The following KCND2 variants were observed in gnomAD, a reference collection of about 807,000 sequenced individuals.
KCND2 encodes potassium voltage-gated channel subfamily D member 2, also known as A-type voltage-gated potassium channel KCND2.
KCND2 carries 16 observed loss-of-function variants against 54.4 expected under a neutral mutation model. That is an observed-to-expected ratio of 0.29 (90% CI 0.20 to 0.45). The LOEUF (loss-of-function observed/expected upper bound fraction) is 0.45, where lower values mean the gene tolerates loss of function less well. Among genes scored for constraint, KCND2 ranks in the 20% least tolerant of loss-of-function variants. The pLI, the probability that KCND2 is intolerant of heterozygous loss-of-function variation, is 1.00. For synonymous variants in KCND2, 317 were observed against 310.7 expected (o/e 1.02, Z -0.21); for missense variants, 486 against 824.2 (o/e 0.59, Z 5.02).
chr7:120,479,984 GA>G (rs1211204252), intron 1 of KCND2, among the ~76,000 whole-genome samples: 1 of 144,108 alleles, frequency 6.9e-6, no homozygotes, highest in East Asian at 2.0e-4. Flanking sequence ...AAAAAAGAAA[GA>G]AAGAAGTATG....
chr7:120,658,531 C>T (rs975483414), intron 1 of KCND2, among the ~76,000 whole-genome samples: 1 of 152,094 alleles, frequency 6.6e-6, no homozygotes, highest in African/African-American at 2.4e-5. Context: ...ATTATTCTCC[C>T]TTCATTAGAC....
chr7:120,422,803 C>T (rs1419642956), intron 1 of KCND2, among the ~76,000 whole-genome samples: 1 of 152,166 alleles, frequency 6.6e-6, no homozygotes, highest in African/African-American at 2.4e-5. Context: ...TTTCTTGTAC[C>T]CATTAAAACA....
At chr7:120,324,747 T>A (rs1447348668) in intron 1 of KCND2, among the ~76,000 whole-genome samples, 1 of 152,082 alleles carries the variant, frequency 6.6e-6, no homozygotes, top group African/African-American at 2.4e-5. Context: ...GCCTCCAGCT[T>A]TGTTCTTTTG....
At chr7:120,457,234 G>A (rs1584786917) in intron 1 of KCND2, among the ~76,000 whole-genome samples, 1 of 152,262 alleles carries the variant, frequency 6.6e-6, no homozygotes, top group South Asian at 2.1e-4. Context: ...ATGCCCTGGA[G>A]ACATTTTCTC....
At chr7:120,583,407 G>T (rs1234094916) in intron 1 of KCND2, among the ~76,000 whole-genome samples, 1 of 152,178 alleles carries the variant, frequency 6.6e-6, no homozygotes, top group African/African-American at 2.4e-5. Context: ...TTTGGAGCAT[G>T]TATATGTGTG....
chr7:120,520,581 G>A (rs61332196), intron 1 of KCND2, among the ~76,000 whole-genome samples: 4,342 of 152,054 alleles, frequency 0.029, 186 homozygotes, highest in African/African-American at 0.098. Flanking sequence ...ATGAGCTCAG[G>A]GACGCTCCTG....
At chr7:120,323,352 G>A (rs1799922412) in intron 1 of KCND2, among the ~76,000 whole-genome samples, 1 of 151,980 alleles carries the variant, frequency 6.6e-6, no homozygotes, top group Non-Finnish European at 1.5e-5. Flanking sequence ...CAACGTGCAG[G>A]TTAGTTACAT....
intron 1 of KCND2, among the ~76,000 whole-genome samples, chr7:120,641,799 TA>T (rs1412335115): frequency 2.4e-4 from 34 of 143,296 alleles, no homozygotes; most frequent in Admixed American, 2.1e-3. Context: ...AATCCAATTA[TA>T]AAAAATTTCC....
intron 1 of KCND2, among the ~76,000 whole-genome samples, chr7:120,455,026 A>G (rs1802173315): frequency 6.6e-6 from 1 of 152,220 alleles, no homozygotes; most frequent in Middle Eastern, 3.2e-3. Flanking sequence ...GCTGAAAGCA[A>G]TCAGAGCCAT....
chr7:120,667,992 T>C (rs1584876003), intron 1 of KCND2, among the ~76,000 whole-genome samples: 1 of 152,102 alleles, frequency 6.6e-6, no homozygotes, highest in East Asian at 1.9e-4. Flanking sequence ...AATATCTCAT[T>C]AAAAAGTTTA....
At chr7:120,291,216 T>G (rs1244826911) in intron 1 of KCND2, among the ~76,000 whole-genome samples, 1 of 151,924 alleles carries the variant, frequency 6.6e-6, no homozygotes, top group African/African-American at 2.4e-5. Context: ...GCATAGAAAT[T>G]TGATTCATTT....
chr7:120,692,120 A>G (rs1792277565), intron 1 of KCND2, among the ~76,000 whole-genome samples: 1 of 152,206 alleles, frequency 6.6e-6, no homozygotes, highest in Non-Finnish European at 1.5e-5. Context: ...CAATTCTTTC[A>G]AGGAATGTGC....
At chr7:120,614,029 T>A (rs1404704672) in intron 1 of KCND2, among the ~76,000 whole-genome samples, 2 of 151,990 alleles carry the variant, frequency 1.3e-5, no homozygotes, top group African/African-American at 4.8e-5. Context: ...TTTTTTTTTT[T>A]TTTGATGGAG....
At chr7:120,742,094 T>C (rs1488463037) in intron 3 of KCND2, among the ~76,000 whole-genome samples, 1 of 152,198 alleles carries the variant, frequency 6.6e-6, no homozygotes, top group Non-Finnish European at 1.5e-5. Context: ...TGAGAAAATT[T>C]ATTTTTACTC....
At chr7:120,595,460 A>AATATAT (rs1390964580) in intron 1 of KCND2, among the ~76,000 whole-genome samples, 1 of 112,958 alleles carries the variant, frequency 8.9e-6, no homozygotes, top group East Asian at 2.3e-4. Flanking sequence ...CCAAAAAAAA[A>AATATAT]ATATATATAT....
chr7:120,565,905 A>G (rs540043076), intron 1 of KCND2, among the ~76,000 whole-genome samples: 53 of 152,202 alleles, frequency 3.5e-4, no homozygotes, highest in Admixed American at 7.2e-4. Context: ...GTGATCTAAC[A>G]CAAGGATTAC....
At chr7:120,380,399 G>C (rs1584754570) in intron 1 of KCND2, among the ~76,000 whole-genome samples, 1 of 151,970 alleles carries the variant, frequency 6.6e-6, no homozygotes, top group East Asian at 1.9e-4. Flanking sequence ...CTAGGTCAGA[G>C]AGTGTGTAGG....
chr7:120,649,201 T>C (rs538457357), intron 1 of KCND2, among the ~76,000 whole-genome samples: 5 of 152,018 alleles, frequency 3.3e-5, no homozygotes, highest in Non-Finnish European at 4.4e-5. Context: ...AGATATTTTG[T>C]CTTGTTTTTT....
At chr7:120,662,946 G>A (rs1791883985) in intron 1 of KCND2, among the ~76,000 whole-genome samples, 1 of 152,104 alleles carries the variant, frequency 6.6e-6, no homozygotes. Flanking sequence ...CCTCACCCTT[G>A]TATATAAGAG....
Sources: allele counts gnomAD v4.1 joint callset (sites outside exome capture counted in the v4.1 genomes callset), GRCh38; gene constraint gnomAD v4.1.1; transcripts MANE v1.5; gene names NCBI Gene and HGNC (gene_info 2026-07-23, HGNC 2026-07-21).